SULT1B1: variants seen among roughly 807,000 people sequenced by gnomAD.
SULT1B1 encodes sulfotransferase 1B1.
Under a neutral mutation model 34.6 loss-of-function variants are expected in SULT1B1, and 28 were observed. The observed-to-expected ratio is 0.81, with a 90% CI of 0.60 to 1.11. The LOEUF (loss-of-function observed/expected upper bound fraction) is 1.11, where lower values mean the gene tolerates loss of function less well. Among genes scored for constraint, SULT1B1 ranks in the 50% least tolerant of loss-of-function variants. The pLI, the probability that SULT1B1 is intolerant of heterozygous loss-of-function variation, is 0.00. For missense variants in SULT1B1, 374 were observed against 352.2 expected, an observed-to-expected ratio of 1.06 and a Z score of -0.50; for synonymous variants, 147 against 110.2, an observed-to-expected ratio of 1.33 and a Z score of -2.09.
chr4:69,730,765 A>T, intron 6 of SULT1B1, 84 bp from the exon 7 acceptor site: 1 of 1,254,450 alleles, frequency 8.0e-7, no homozygotes, highest in East Asian at 2.6e-5. Flanking sequence ...CCGTTTTTTT[A>T]AATGTTGACT....
intron 4 of SULT1B1, among the ~76,000 whole-genome samples, chr4:69,743,758 T>C (rs948161621): frequency 1.3e-5 from 2 of 152,178 alleles, no homozygotes; most frequent in Non-Finnish European, 2.9e-5. Flanking sequence ...CCAACTGGGC[T>C]ATGACAGCAC....
chr4:69,734,250 A>T lies in SULT1B1; in HGVS notation c.390T>A (p.Ala130=), dbSNP rs1054061814. Residue 130 remains alanine, a synonymous_variant, in exon 5 of 8, where the codon GCT becomes GCA. Transcript: ENST00000310613. ...AGACTGAAACATCCTTGGCATTACG[A>T]GCCAGATAAATCATCTGCAGTGGGG... ...WENNCKMIYL[A]RNAKDVSVSY... is the part of the protein sequence containing the mutation. The T allele has an allele frequency of 5.0e-6, 8 of 1,612,508 alleles. No individual in the cohort carries two copies. The Admixed American group carries it at 5.0e-5, about 10-fold the overall frequency.
chr4:69,727,048 A>T lies in SULT1B1; in HGVS notation c.*40T>A, dbSNP rs1717857936. ...AACTGCCCTCGTTTCAATCAACTAC[A>T]GACAATCTCTTATTTCTTCAGATGT... On this transcript the variant is annotated 3_prime_UTR_variant, in exon 8 of 8. Transcript: ENST00000310613. 1 of 1,489,296 alleles carries T rather than the reference A, an allele frequency of 6.7e-7. No individual in the cohort carries two copies. Among genetic ancestry groups the T allele is most frequent in the Non-Finnish European group, 9.2e-7 (1 of 1,091,434 alleles). 92.3% of individuals were successfully genotyped at this position (1,489,296 alleles called of 1,614,324 possible).
At chr4:69,745,256 T>G (rs1242623427) in intron 4 of SULT1B1, among the ~76,000 whole-genome samples, 1 of 152,196 alleles carries the variant, frequency 6.6e-6, no homozygotes, top group Non-Finnish European at 1.5e-5. Context: ...GTGTTGAGTT[T>G]AAGTCCTGAG....
intron 4 of SULT1B1, 96 bp downstream of exon 4, chr4:69,749,625 G>A (rs1718894234): frequency 1.2e-6 from 1 of 847,582 alleles, no homozygotes; most frequent in Non-Finnish European, 1.9e-6. Flanking sequence ...GCAAGTATAT[G>A]GTTAAAGAAA....
intron 3 of SULT1B1, 142 bp downstream of exon 3, chr4:69,754,528 A>C (rs1719111912): frequency 2.8e-6 from 2 of 714,410 alleles, no homozygotes; most frequent in Non-Finnish European, 4.5e-6. Context: ...GTTTCTTCTT[A>C]TTCTTCAGTT....
rs1578041191 is a variant in SULT1B1, at chr4:69,724,684, T to C, written c.*2404A>G. The C allele has an allele frequency of 6.6e-6, 1 of 152,184 alleles. No individual in the cohort carries two copies. The allele number at this position is 152,184 out of a possible 1,614,324, so 9.4% of individuals were successfully genotyped here. A position where few individuals can be genotyped will look rare whatever the true frequency, so the allele number is the denominator to read the frequency against. On this transcript the variant is annotated 3_prime_UTR_variant, in exon 8 of 8. Transcript: ENST00000310613. Reference sequence around the variant, plus strand: ...GGACCAAAACAGAGATATAGACCAATGGAACAGAACAGAGCCCTCAGAAAT... The same window carrying C: ...GGACCAAAACAGAGATATAGACCAACGGAACAGAACAGAGCCCTCAGAAAT...
At chr4:69,739,587 C>T (rs1399858197) in intron 4 of SULT1B1, among the ~76,000 whole-genome samples, 1 of 152,236 alleles carries the variant, frequency 6.6e-6, no homozygotes, top group Non-Finnish European at 1.5e-5. Context: ...TCCTAGGCCT[C>T]TGGGCCTGTG....
Sources: gnomAD v4.1 joint callset for allele counts (sites outside exome capture counted in the v4.1 genomes callset) on GRCh38, gnomAD v4.1.1 for gene constraint, MANE v1.5 for transcripts, NCBI Gene and HGNC (gene_info 2026-07-23, HGNC 2026-07-21) for gene names.